The following KLF13 variants were observed in gnomAD, a reference collection of about 807,000 sequenced individuals.
The protein encoded by KLF13 is Krueppel-like factor 13.
A neutral mutation model predicts 16.7 loss-of-function variants in KLF13; 8 were observed. The ratio of observed to expected loss-of-function variants is 0.48; its 90% CI spans 0.28 to 0.87. KLF13 has a LOEUF of 0.87. Among genes scored for constraint, KLF13 ranks in the 40% least tolerant of loss-of-function variants. KLF13 has a pLI of 0.10. For missense variants in KLF13, 447 were observed against 452.2 expected (o/e 0.99, Z 0.10); for synonymous variants, 245 against 208.4 (o/e 1.18, Z -1.51).
chr15:31,366,812 G>T (rs1458402010), intron 1 of KLF13, among the ~76,000 whole-genome samples: 1 of 150,460 alleles, frequency 6.6e-6, no homozygotes, highest in East Asian at 1.9e-4. Context: ...GCAGTTTTTA[G>T]AGTGAAGCTT....
At chr15:31,423,126 T>TATATAC (rs2040354843) in intron 1 of KLF13, among the ~76,000 whole-genome samples, 1 of 129,756 alleles carries the variant, frequency 7.7e-6, no homozygotes, top group Non-Finnish European at 1.5e-5. Context: ...TATATACGTA[T>TATATAC]ATATACGTAT....
chr15:31,407,202 G>A (rs1247227084), downstream of KLF13, among the ~76,000 whole-genome samples: 1 of 152,198 alleles, frequency 6.6e-6, no homozygotes, highest in African/African-American at 2.4e-5. Flanking sequence ...AGATAGCTGG[G>A]TGTGGTAGCT....
Position 31,397,862 on chromosome 15 carries a change from TG to T in KLF13, n.529+4176del, listed in dbSNP as rs1422816222. ...GGGGTCTGCAGACTTCTCTGGTCTT[TG>T]GGGGTGGCGGCGGGGGGGGTGGTGA... On this transcript the variant is annotated intron_variant and non_coding_transcript_variant, in intron 2 of 2. Coordinates refer to the KLF13 transcript ENST00000500533. Among the ~76,000 whole-genome samples, 3 of 38,372 alleles carry T rather than the reference TG, an allele frequency of 7.8e-5. No homozygotes were observed. In the East Asian group the frequency reaches 2.7e-3, roughly 34 times the overall value. 25.2% of individuals were successfully genotyped at this position (38,372 alleles called of 152,430 possible).
At chr15:31,393,019 A>C (rs2039896402) in exon 1 of KLF13, 1 of 152,360 alleles carries the variant, frequency 6.6e-6, no homozygotes, top group Non-Finnish European at 1.5e-5. Context: ...CTCCAGCCCC[A>C]CCATACCCGC....
At chr15:31,415,517 T>C (rs1310260020) in intron 1 of KLF13, among the ~76,000 whole-genome samples, 1 of 152,056 alleles carries the variant, frequency 6.6e-6, no homozygotes, top group Non-Finnish European at 1.5e-5. Flanking sequence ...TGTGGAAATT[T>C]TACAAAACAC....
rs371896440 is a variant in KLF13 at position 31,423,164 on chromosome 15, T to TACGTATATATACGTATATATATAC, written n.118-12206_118-12205insACGTATATATACGTATATATATAC. Among the ~76,000 whole-genome samples the TACGTATATATACGTATATATATAC allele has an allele frequency of 1.6e-4, 4 of 25,356 alleles. 1 individual carries two copies. The highest frequency in any genetic ancestry group is 7.2e-4 in the African/African-American group (2 of 2,792). 16.6% of individuals were successfully genotyped at this position (25,356 alleles called of 152,430 possible). A position where few individuals can be genotyped will look rare whatever the true frequency, so the allele number is the denominator to read the frequency against. On this transcript the variant is annotated intron_variant and non_coding_transcript_variant, in intron 1 of 1. Transcript: ENST00000558225. ...GTATACGTATATATACGTATATATA[T>TACGTATATATACGTATATATATAC]GTATATATATACATATATACGTATA...
intron 1 of KLF13, chr15:31,420,013 G>A (rs1388609871): frequency 3.2e-6 from 1 of 313,022 alleles, no homozygotes; most frequent in East Asian, 8.1e-5. Context: ...AACATTATAG[G>A]CTGGAAAGGA....
rs972329863 is a variant in KLF13, at chr15:31,425,280, T to A, written n.118-10090T>A. Among the ~76,000 whole-genome samples, 9 of 152,050 alleles carry A rather than the reference T, an allele frequency of 5.9e-5. No homozygotes were observed. The East Asian group carries it at 1.5e-3, about 26-fold the overall frequency. ...GACATCTTTGAAGAAATAGAAAAAA[T>A]TTTCTAAAATGTATATGGAATCCTA... On this transcript the variant is annotated intron_variant and non_coding_transcript_variant, in intron 1 of 1. Transcript: ENST00000558225.
rs1326285293 is a variant in KLF13, at chr15:31,375,528, G to A, written c.*3229G>A. 1.3e-5 allele frequency: 2 copies of A among 152,206 alleles called. No homozygotes were observed. The highest frequency in any genetic ancestry group is 2.9e-5 in the Non-Finnish European group (2 of 68,046). 9.4% of individuals were successfully genotyped at this position (152,206 alleles called of 1,614,324 possible). ...TCAGTTCTCGTGGTCCATAGGGGCA[G>A]AGATGTCAAAGTGAAGGTTGCCTGA... On this transcript the variant is annotated 3_prime_UTR_variant, in exon 2 of 2. Coordinates refer to ENST00000307145, the MANE Select transcript of KLF13 (RefSeq NM_015995.4).
chr15:31,405,491 A>T (rs1390022154), downstream of KLF13, among the ~76,000 whole-genome samples: 1 of 152,246 alleles, frequency 6.6e-6, no homozygotes, highest in Admixed American at 6.5e-5. Flanking sequence ...TGAGAAATGA[A>T]TTTCTGCTGT....
intron 1 of KLF13, among the ~76,000 whole-genome samples, chr15:31,364,944 C>A (rs2039442996): frequency 6.6e-6 from 1 of 152,226 alleles, no homozygotes; most frequent in Non-Finnish European, 1.5e-5. Context: ...TTTCTGCTAC[C>A]CCTGAGGCTG....
At chr15:31,434,810 G>A (rs566305119) in intron 1 of KLF13, among the ~76,000 whole-genome samples, 22 of 152,318 alleles carry the variant, frequency 1.4e-4, no homozygotes, top group African/African-American at 2.2e-4. Flanking sequence ...ATGCCGGCGC[G>A]CAGCAGCTTT....
upstream of KLF13, among the ~76,000 whole-genome samples, chr15:31,392,622 T>C (rs901937709): frequency 1.3e-5 from 2 of 152,212 alleles, no homozygotes; most frequent in African/African-American, 4.8e-5. Context: ...CTCAGGCCTG[T>C]CCTGGGGGTC....
intron 2 of KLF13, among the ~76,000 whole-genome samples, chr15:31,399,655 G>C (rs890661836): frequency 2.0e-5 from 3 of 152,252 alleles, no homozygotes; most frequent in Admixed American, 1.3e-4. Context: ...CTCGTGGCTG[G>C]GTGCGGGACA....
At chr15:31,360,564 C>T (rs975865121) in intron 1 of KLF13, among the ~76,000 whole-genome samples, 3 of 152,166 alleles carry the variant, frequency 2.0e-5, no homozygotes, top group South Asian at 2.1e-4. Context: ...AGACCGAGAG[C>T]CCCTGGTGGC....
At chr15:31,401,143 G>A (rs2040030796) in intron 2 of KLF13, among the ~76,000 whole-genome samples, 1 of 152,098 alleles carries the variant, frequency 6.6e-6, no homozygotes, top group East Asian at 1.9e-4. Context: ...TGGGATTACA[G>A]GCATGCGCCA....
At chr15:31,391,598 A>ACCCCGCCCCCGC (rs1019075306), upstream of KLF13, among the ~76,000 whole-genome samples, 12 of 149,702 alleles carry the variant, frequency 8.0e-5, no homozygotes, top group East Asian at 2.0e-4. Context: ...ATTGCCCCCC[A>ACCCCGCCCCCGC]CCCCGCCCCC....
chr15:31,409,284 C>CA (rs949583882), downstream of KLF13, among the ~76,000 whole-genome samples: 3 of 151,688 alleles, frequency 2.0e-5, no homozygotes, highest in Non-Finnish European at 4.4e-5. Flanking sequence ...GACTCTAACT[C>CA]AAAAAAACCC....
At chr15:31,341,038 C>T (rs775368368) in intron 1 of KLF13, among the ~76,000 whole-genome samples, 3 of 152,190 alleles carry the variant, frequency 2.0e-5, no homozygotes, top group Non-Finnish European at 4.4e-5. Flanking sequence ...CGAGACATTG[C>T]TGTGTCTCTC....
Sources: allele counts gnomAD v4.1 joint callset (sites outside exome capture counted in the v4.1 genomes callset), GRCh38; gene constraint gnomAD v4.1.1; transcripts MANE v1.5; gene names NCBI Gene and HGNC (gene_info 2026-07-23, HGNC 2026-07-21).